The following MGAT4C variants were observed in gnomAD, a reference collection of about 807,000 sequenced individuals.
MGAT4C encodes the protein alpha-1,3-mannosyl-glycoprotein 4-beta-N-acetylglucosaminyltransferase C.
MGAT4C carries 19 observed loss-of-function variants against 40.1 expected under a neutral mutation model. The ratio of observed to expected loss-of-function variants is 0.47; its 90% CI spans 0.33 to 0.70. The LOEUF is 0.70. MGAT4C is among the 30% of genes least tolerant of loss of function. The pLI is 0.02. For missense variants in MGAT4C, 491 were observed against 563.2 expected, an observed-to-expected ratio of 0.87 and a Z score of 1.30; for synonymous variants, 181 against 187.1, an observed-to-expected ratio of 0.97 and a Z score of 0.27.
intron 1 of MGAT4C, among the ~76,000 whole-genome samples, chr12:86,073,936 G>T (rs1456405671): frequency 6.6e-6 from 1 of 152,092 alleles, no homozygotes; most frequent in Non-Finnish European, 1.5e-5. Context: ...GGAGGGGCCA[G>T]GGGTGAAATT....
Position 85,973,254 on chromosome 12 carries a change from G to T in MGAT4C, c.*6035C>A, listed in dbSNP as rs1463462845. The T allele has an allele frequency of 6.6e-6, 1 of 150,776 alleles. No individual in the cohort carries two copies. The highest frequency in any genetic ancestry group is 1.5e-5 in the Non-Finnish European group (1 of 67,040). The allele number at this position is 150,776 out of a possible 1,614,324, so 9.3% of individuals were successfully genotyped here. A position where few individuals can be genotyped will look rare whatever the true frequency, so the allele number is the denominator to read the frequency against. ...TAAATTAAATATTTAAAATATTTTT[G>T]CAATAGTTAGCTTTCAATTATGAAC... is the stretch of plus-strand genomic sequence containing the variant. On this transcript the variant is annotated 3_prime_UTR_variant, in exon 5 of 5. Transcript: ENST00000611864.
At chr12:86,815,671 T>C (rs1032216999) in intron 1 of MGAT4C, among the ~76,000 whole-genome samples, 1 of 151,474 alleles carries the variant, frequency 6.6e-6, no homozygotes, top group Non-Finnish European at 1.5e-5. Context: ...TAGAATACTA[T>C]GCAGCCATAA....
chr12:86,812,103 A>AT (rs1302172988), intron 1 of MGAT4C, among the ~76,000 whole-genome samples: 1 of 152,136 alleles, frequency 6.6e-6, no homozygotes, highest in Non-Finnish European at 1.5e-5. Flanking sequence ...GTGTTTAGAG[A>AT]TTTTCCTGTG....
chr12:86,628,257 G>A (rs553518663), intron 2 of MGAT4C, among the ~76,000 whole-genome samples: 17 of 152,184 alleles, frequency 1.1e-4, no homozygotes, highest in African/African-American at 2.9e-4. Context: ...TGAAAAGACC[G>A]AATCTACATT....
chr12:86,589,028 C>T (rs1961198416), intron 2 of MGAT4C, among the ~76,000 whole-genome samples: 1 of 149,860 alleles, frequency 6.7e-6, no homozygotes, highest in Non-Finnish European at 1.5e-5. Flanking sequence ...CAAAAGCTAG[C>T]AGAAGGCAAG....
intron 3 of MGAT4C, among the ~76,000 whole-genome samples, chr12:86,360,306 C>A (rs1213896041): frequency 6.6e-6 from 1 of 152,152 alleles, no homozygotes; most frequent in African/African-American, 2.4e-5. Context: ...TAAAAACTCT[C>A]AATAAACTAA....
At chr12:86,809,300 T>C (rs1952424951) in intron 1 of MGAT4C, among the ~76,000 whole-genome samples, 2 of 152,246 alleles carry the variant, frequency 1.3e-5, no homozygotes, top group South Asian at 4.1e-4. Flanking sequence ...GTTAGTTTAG[T>C]TGTTCACCTG....
At chr12:86,608,225 ATAGATG>A (rs1962113285) in intron 2 of MGAT4C, among the ~76,000 whole-genome samples, 1 of 152,120 alleles carries the variant, frequency 6.6e-6, no homozygotes, top group African/African-American at 2.4e-5. Context: ...AGAGCTCAAA[ATAGATG>A]TATCACATAA....
rs1285215174 is a variant in MGAT4C at position 85,958,589 on chromosome 12, G to A, written c.*20700C>T. 1.3e-5 allele frequency: 2 copies of A among 152,024 alleles called. No homozygotes were observed. The highest frequency in any genetic ancestry group is 2.9e-5 in the Non-Finnish European group (2 of 67,998). The allele number at this position is 152,024 out of a possible 1,614,324, so 9.4% of individuals were successfully genotyped here. ...TTTTAAACTAACTAGAAAGCACCAA[G>A]TTATTTGTTAAATAAACAAAGTTAA... On this transcript the variant is annotated 3_prime_UTR_variant, in exon 5 of 5. Transcript: ENST00000611864.
intron 4 of MGAT4C, among the ~76,000 whole-genome samples, chr12:86,327,811 A>G (rs749075686): frequency 1.3e-5 from 2 of 152,112 alleles, no homozygotes; most frequent in Admixed American, 1.3e-4. Context: ...CATAATTTGC[A>G]CAAAAGGTAT....
chr12:86,665,737 C>T (rs74400212), intron 2 of MGAT4C, among the ~76,000 whole-genome samples: 3,414 of 152,140 alleles, frequency 0.022, 123 homozygotes, highest in African/African-American at 0.078. Context: ...AATGCAATTT[C>T]GATTCTTCTT....
intron 2 of MGAT4C, among the ~76,000 whole-genome samples, chr12:86,455,172 A>G (rs966942284): frequency 3.9e-5 from 6 of 152,140 alleles, no homozygotes; most frequent in African/African-American, 1.4e-4. Context: ...GTTTGAATGA[A>G]AAGAAATTAG....
At chr12:86,417,283 C>T (rs1956737825) in intron 3 of MGAT4C, among the ~76,000 whole-genome samples, 1 of 151,848 alleles carries the variant, frequency 6.6e-6, no homozygotes, top group Admixed American at 6.6e-5. Context: ...AATAACATGA[C>T]CACAATGACC....
chr12:86,010,726 G>C (rs1888385111), intron 2 of MGAT4C, among the ~76,000 whole-genome samples: 1 of 152,078 alleles, frequency 6.6e-6, no homozygotes, highest in African/African-American at 2.4e-5. Flanking sequence ...AACCCATGTT[G>C]AAAGATAATC....
chr12:86,254,767 G>C (rs977963145), intron 1 of MGAT4C, among the ~76,000 whole-genome samples: 5 of 151,996 alleles, frequency 3.3e-5, no homozygotes, highest in Non-Finnish European at 7.4e-5. Flanking sequence ...GAAGCTTTTT[G>C]AGGTTTTGTT....
chr12:86,797,619 T>C (rs1047439094), intron 1 of MGAT4C, among the ~76,000 whole-genome samples: 1 of 151,976 alleles, frequency 6.6e-6, no homozygotes, highest in Non-Finnish European at 1.5e-5. Flanking sequence ...TCTCTTTAAT[T>C]ATGTTTTATC....
At chr12:86,127,441 G>A (rs543301416) in intron 1 of MGAT4C, among the ~76,000 whole-genome samples, 1 of 152,184 alleles carries the variant, frequency 6.6e-6, no homozygotes, top group South Asian at 2.1e-4. Flanking sequence ...TGAAGGCCTA[G>A]GATATTACTG....
chr12:86,253,301 G>T (rs1389421742), intron 1 of MGAT4C, among the ~76,000 whole-genome samples: 1 of 151,772 alleles, frequency 6.6e-6, no homozygotes, highest in East Asian at 1.9e-4. Flanking sequence ...CTCAAGAGAA[G>T]TGACTGATTA....
intron 3 of MGAT4C, among the ~76,000 whole-genome samples, chr12:86,339,309 T>C (rs1470097538): frequency 1.3e-5 from 2 of 152,174 alleles, no homozygotes; most frequent in Non-Finnish European, 2.9e-5. Flanking sequence ...ATAGGGCTAC[T>C]ATTATCTAAG....
Sources: gnomAD v4.1 joint callset for allele counts (sites outside exome capture counted in the v4.1 genomes callset) on GRCh38, gnomAD v4.1.1 for gene constraint, MANE v1.5 for transcripts, NCBI Gene and HGNC (gene_info 2026-07-23, HGNC 2026-07-21) for gene names.